The following BTBD10 variants were observed in gnomAD, a reference collection of about 807,000 sequenced individuals.
BTBD10 encodes BTB/POZ domain-containing protein 10.
Under a neutral mutation model 53.2 loss-of-function variants are expected in BTBD10, and 21 were observed. The observed-to-expected ratio is 0.39, with a 90% confidence interval of 0.28 to 0.57. BTBD10 has a LOEUF of 0.57. Among genes scored for constraint, BTBD10 ranks in the 20% least tolerant of loss-of-function variants. The pLI, the probability that BTBD10 is intolerant of heterozygous loss-of-function variation, is 0.53. For synonymous variants in BTBD10, 149 were observed against 192.7 expected, an observed-to-expected ratio of 0.77 and a Z score of 1.88; for missense variants, 360 against 594.7, an observed-to-expected ratio of 0.61 and a Z score of 4.10.
intron 2 of BTBD10, among the ~76,000 whole-genome samples, chr11:13,427,066 A>T (rs1442588129): frequency 6.6e-6 from 1 of 152,070 alleles, no homozygotes; most frequent in African/African-American, 2.4e-5. Context: ...AAAATACAAA[A>T]ATTAGCTGGG....
intron 1 of BTBD10, among the ~76,000 whole-genome samples, chr11:13,450,372 G>C (rs536251995): frequency 6.2e-4 from 95 of 152,274 alleles, no homozygotes; most frequent in African/African-American, 2.1e-3. Flanking sequence ...TGTTCACAAA[G>C]TTAATTTTGT....
At chr11:13,427,719 T>G (rs1950368280) in intron 2 of BTBD10, among the ~76,000 whole-genome samples, 1 of 152,172 alleles carries the variant, frequency 6.6e-6, no homozygotes, top group Non-Finnish European at 1.5e-5. Context: ...TAGATCATAT[T>G]TTGGGCAATA....
At chr11:13,437,621 C>T (rs1343897061) in intron 2 of BTBD10, among the ~76,000 whole-genome samples, 1 of 152,170 alleles carries the variant, frequency 6.6e-6, no homozygotes, top group Non-Finnish European at 1.5e-5. Flanking sequence ...TTACCAAAAG[C>T]TAAGCTTAAG....
intron 6 of BTBD10, among the ~76,000 whole-genome samples, chr11:13,410,126 C>G (rs1400539954): frequency 6.6e-6 from 1 of 152,024 alleles, no homozygotes; most frequent in African/African-American, 2.4e-5. Context: ...CCCAAAACCA[C>G]CTGTATCCCA....
At chr11:13,422,600 C>G (rs1950265909) in intron 2 of BTBD10, among the ~76,000 whole-genome samples, 1 of 152,102 alleles carries the variant, frequency 6.6e-6, no homozygotes, top group African/African-American at 2.4e-5. Context: ...CGAGATCACG[C>G]CACTGCACTC....
chr11:13,417,122 C>T (rs763805720), intron 5 of BTBD10, 36 bp downstream of exon 5: 79 of 1,500,416 alleles, frequency 5.3e-5, no homozygotes, highest in Admixed American at 9.2e-5. Flanking sequence ...AAGAAGGCGT[C>T]TTATGATTAA....
At chr11:13,424,007 T>C (rs1391823719) in intron 2 of BTBD10, among the ~76,000 whole-genome samples, 1 of 147,550 alleles carries the variant, frequency 6.8e-6, no homozygotes, top group Non-Finnish European at 1.5e-5. Context: ...TCCTACTGCA[T>C]TTATGTTTTT....
chr11:13,396,523 A>G (rs1328595699), intron 8 of BTBD10, among the ~76,000 whole-genome samples: 1 of 152,082 alleles, frequency 6.6e-6, no homozygotes, highest in African/African-American at 2.4e-5. Context: ...CTAACTGAAT[A>G]CCCTTTATTT....
intron 6 of BTBD10, among the ~76,000 whole-genome samples, chr11:13,409,485 ATT>A (rs900784662): frequency 6.6e-6 from 1 of 152,120 alleles, no homozygotes; most frequent in African/African-American, 2.4e-5. Flanking sequence ...TAATTCATAA[ATT>A]TTGTTTCCTC....
At chr11:13,455,344 T>C (rs1361798789) in intron 1 of BTBD10, among the ~76,000 whole-genome samples, 1 of 152,258 alleles carries the variant, frequency 6.6e-6, no homozygotes, top group African/African-American at 2.4e-5. Flanking sequence ...TTATCACTTT[T>C]ATAGAATTTC....
chr11:13,401,679 T>A (rs1478450689), intron 8 of BTBD10, among the ~76,000 whole-genome samples: 1 of 152,084 alleles, frequency 6.6e-6, no homozygotes, highest in East Asian at 1.9e-4. Context: ...ATCACAACTA[T>A]CCTCTAAGAT....
chr11:13,455,989 G>A (rs965805690), intron 1 of BTBD10, among the ~76,000 whole-genome samples: 4 of 151,994 alleles, frequency 2.6e-5, no homozygotes, highest in East Asian at 1.9e-4. Flanking sequence ...TGCTCAGCGC[G>A]ACTTTCCATT....
chr11:13,408,754 T>A (rs774556152), intron 6 of BTBD10, among the ~76,000 whole-genome samples: 3 of 152,200 alleles, frequency 2.0e-5, no homozygotes, highest in Non-Finnish European at 2.9e-5. Flanking sequence ...ATACCCAGAA[T>A]CTGACTACTT....
At chr11:13,461,615 C>T (rs1186847713) in intron 1 of BTBD10, among the ~76,000 whole-genome samples, 1 of 151,992 alleles carries the variant, frequency 6.6e-6, no homozygotes, top group Non-Finnish European at 1.5e-5. Flanking sequence ...ATTCACATGG[C>T]TTAGAGGGAG....
chr11:13,390,545 T>C (rs1949380829), intron 8 of BTBD10, among the ~76,000 whole-genome samples: 1 of 152,140 alleles, frequency 6.6e-6, no homozygotes, highest in Non-Finnish European at 1.5e-5. Flanking sequence ...GGTTTCACCA[T>C]GTTGGCCAGG....
intron 8 of BTBD10, among the ~76,000 whole-genome samples, chr11:13,397,754 T>C (rs1283481379): frequency 6.6e-6 from 1 of 152,238 alleles, no homozygotes; most frequent in East Asian, 1.9e-4. Flanking sequence ...TTTTTTCTCA[T>C]TGGTTTCAAA....
chr11:13,422,180 T>C (rs1591131693), intron 2 of BTBD10, among the ~76,000 whole-genome samples: 1 of 152,154 alleles, frequency 6.6e-6, no homozygotes, highest in Non-Finnish European at 1.5e-5. Flanking sequence ...ATTTCCTTCA[T>C]TGTAGGGGAA....
intron 6 of BTBD10, among the ~76,000 whole-genome samples, chr11:13,410,282 G>C (rs1421904357): frequency 6.6e-6 from 1 of 152,198 alleles, no homozygotes; most frequent in African/African-American, 2.4e-5. Context: ...TTCTGTGAGA[G>C]AGAAAGTAGC....
chr11:13,462,650 C>T (rs1450301286), intron 1 of BTBD10: 1 of 152,202 alleles, frequency 6.6e-6, no homozygotes, highest in Non-Finnish European at 1.5e-5. Flanking sequence ...AACATAAAAC[C>T]ACGCAGCACG....
Sources: gnomAD v4.1 joint callset for allele counts (sites outside exome capture counted in the v4.1 genomes callset) on GRCh38, gnomAD v4.1.1 for gene constraint, MANE v1.5 for transcripts, NCBI Gene and HGNC (gene_info 2026-07-23, HGNC 2026-07-21) for gene names.